The following PKIG variants were observed in gnomAD, a reference collection of about 807,000 sequenced individuals.
The protein encoded by PKIG is protein kinase (cAMP-dependent, catalytic) inhibitor gamma.
Under a neutral mutation model 6.8 loss-of-function variants are expected in PKIG, and 1 was observed. The ratio of observed to expected loss-of-function variants is 0.15; its 90% CI spans 0.05 to 0.69. The LOEUF (loss-of-function observed/expected upper bound fraction) is 0.69, where lower values mean the gene tolerates loss of function less well. Ranked by LOEUF, PKIG falls within the 30% of genes least tolerant of loss-of-function variation. The pLI is 0.82. For missense variants in PKIG, 77 were observed against 104.0 expected (o/e 0.74, Z 1.13); for synonymous variants, 39 against 43.0 (o/e 0.91, Z 0.36).
At chr20:44,612,494 T>C (rs2065228484) in intron 2 of PKIG, among the ~76,000 whole-genome samples, 1 of 152,170 alleles carries the variant, frequency 6.6e-6, no homozygotes, top group African/African-American at 2.4e-5. Flanking sequence ...CCAGAGTCCA[T>C]GCAATGACTG....
rs775910680 is a variant in PKIG at position 44,618,280 on chromosome 20, T to C, written c.152-5T>C. On this transcript the variant is annotated splice_polypyrimidine_tract_variant and splice_region_variant and intron_variant, in intron 3 of 3. Transcript: ENST00000372886. ...CCAAGAAAAACCTCTTTCTCTCCTCTCCAGAAGGACAGGTGGAGGGAAGCG... is the reference window on the plus strand; with the variant it reads ...CCAAGAAAAACCTCTTTCTCTCCTCCCCAGAAGGACAGGTGGAGGGAAGCG... 3 of 1,605,598 alleles carry C rather than the reference T, an allele frequency of 1.9e-6. No homozygotes were observed. The highest frequency in any genetic ancestry group is 1.1e-5 in the South Asian group (1 of 90,902).
At chr20:44,580,018 A>G (rs1374603289), upstream of PKIG, among the ~76,000 whole-genome samples, 1 of 152,170 alleles carries the variant, frequency 6.6e-6, no homozygotes, top group Non-Finnish European at 1.5e-5. Context: ...TCATCGTGAC[A>G]TTCTGGAGAA....
At chr20:44,596,838 A>T (rs1486909503) in intron 2 of PKIG, among the ~76,000 whole-genome samples, 1 of 152,204 alleles carries the variant, frequency 6.6e-6, no homozygotes, top group Non-Finnish European at 1.5e-5. Flanking sequence ...GAAGGGAAGC[A>T]TTCACATATT....
intron 1 of PKIG, among the ~76,000 whole-genome samples, chr20:44,585,615 A>G (rs895811203): frequency 6.6e-6 from 1 of 152,228 alleles, no homozygotes; most frequent in Non-Finnish European, 1.5e-5. Flanking sequence ...ATATTTCACC[A>G]TACTGCAGTG....
At chr20:44,597,409 G>A (rs941293408) in intron 2 of PKIG, among the ~76,000 whole-genome samples, 4 of 152,126 alleles carry the variant, frequency 2.6e-5, no homozygotes, top group Non-Finnish European at 5.9e-5. Context: ...TCCCTCAGGG[G>A]CACAATGGTA....
Position 44,614,749 on chromosome 20 carries a change from C to A in PKIG, c.151+42C>A. On this transcript the variant is annotated intron_variant, in intron 3 of 3. Coordinates refer to ENST00000372886, the MANE Select transcript of PKIG (RefSeq NM_001281445.2). This position sits in a 1 kb window ranked among gnomAD's most constrained non-coding sequence, Gnocchi z 4.6. ...CCTTGGCACTACTGCATGCCAGAGG[C>A]CCTCTGCCGGGCCCCGGGCTAGCCT... 1 of 1,607,054 alleles carries A rather than the reference C, an allele frequency of 6.2e-7. No homozygotes were observed.
At chr20:44,603,200 T>A (rs553872349) in intron 2 of PKIG, among the ~76,000 whole-genome samples, 2 of 152,278 alleles carry the variant, frequency 1.3e-5, no homozygotes, top group African/African-American at 4.8e-5. Context: ...GTTTTAATCT[T>A]CTGTAGCACC....
intron 1 of PKIG, among the ~76,000 whole-genome samples, chr20:44,575,458 G>A (rs773100614): frequency 6.6e-5 from 10 of 152,116 alleles, no homozygotes; most frequent in Non-Finnish European, 1.5e-4. Context: ...TCATGCAGCT[G>A]GTTTTGATCA....
chr20:44,544,612 G>A (rs1600839125), intron 1 of PKIG, among the ~76,000 whole-genome samples: 2 of 152,166 alleles, frequency 1.3e-5, no homozygotes, highest in East Asian at 3.9e-4. Flanking sequence ...GGAAAGGGGA[G>A]GGCAGAGGAC....
At chr20:44,584,593 T>A (rs1177081544) in intron 1 of PKIG, among the ~76,000 whole-genome samples, 3 of 152,120 alleles carry the variant, frequency 2.0e-5, no homozygotes, top group African/African-American at 7.2e-5. Flanking sequence ...GTTTTGTTTT[T>A]GTTTGTTTGT....
At chr20:44,607,287 T>C (rs188235461) in intron 2 of PKIG, among the ~76,000 whole-genome samples, 13 of 151,898 alleles carry the variant, frequency 8.6e-5, no homozygotes, top group African/African-American at 3.1e-4. Flanking sequence ...CTGCAGTGGC[T>C]TCAGAGTGAT....
chr20:44,580,644 G>A (rs1037006499), upstream of PKIG, among the ~76,000 whole-genome samples: 7 of 151,634 alleles, frequency 4.6e-5, no homozygotes, highest in East Asian at 3.9e-4. Flanking sequence ...CACCGCGCCC[G>A]GCCAGGCTGG....
chr20:44,610,500 T>TCTCTCA (rs1555841182), intron 2 of PKIG, among the ~76,000 whole-genome samples: 33 of 135,490 alleles, frequency 2.4e-4, no homozygotes, highest in Non-Finnish European at 3.9e-4. Flanking sequence ...TCTCTCTCTC[T>TCTCTCA]CACACACACA....
chr20:44,587,359 AT>A (rs1055681196), intron 1 of PKIG, among the ~76,000 whole-genome samples: 1 of 152,130 alleles, frequency 6.6e-6, no homozygotes, highest in Non-Finnish European at 1.5e-5. Flanking sequence ...CTTTGCCAGC[AT>A]TTGCATTAGG....
At chr20:44,575,543 C>CT (rs758349202) in intron 1 of PKIG, among the ~76,000 whole-genome samples, 7 of 152,140 alleles carry the variant, frequency 4.6e-5, no homozygotes, top group Non-Finnish European at 1.0e-4. Context: ...GGTCTCAGTT[C>CT]ATCTGTTTGT....
chr20:44,551,426 T>C (rs1007625550), intron 1 of PKIG, among the ~76,000 whole-genome samples: 4 of 152,184 alleles, frequency 2.6e-5, no homozygotes, highest in Non-Finnish European at 1.5e-5. Context: ...AAAAGTACTT[T>C]GCTACAGACA....
chr20:44,613,038 G>A (rs539954536), intron 2 of PKIG, among the ~76,000 whole-genome samples: 4 of 152,138 alleles, frequency 2.6e-5, no homozygotes, highest in Non-Finnish European at 4.4e-5. Context: ...CATAAGGTAT[G>A]GTCCCAAATC....
At chr20:44,544,599 G>A (rs2064593773) in intron 1 of PKIG, among the ~76,000 whole-genome samples, 2 of 152,222 alleles carry the variant, frequency 1.3e-5, no homozygotes, top group African/African-American at 4.8e-5. Context: ...GCAGGAAGAA[G>A]TAGGAAAGGG....
chr20:44,539,984 G>T, intron 1 of PKIG, among the ~76,000 whole-genome samples: 1 of 152,086 alleles, frequency 6.6e-6, no homozygotes, highest in East Asian at 1.9e-4. Context: ...CTTAGATGGA[G>T]TCTCGTTCTG....
Sources: gnomAD v4.1 joint callset for allele counts (sites outside exome capture counted in the v4.1 genomes callset) on GRCh38, gnomAD v4.1.1 for gene constraint, Gnocchi (gnomAD v3.1) non-coding constraint, MANE v1.5 for transcripts, NCBI Gene and HGNC (gene_info 2026-07-23, HGNC 2026-07-21) for gene names.